The following TIAM1 variants were observed in gnomAD, a reference collection of about 807,000 sequenced individuals.
TIAM1 encodes TIAM Rac1 associated GEF 1, also known as rho guanine nucleotide exchange factor TIAM1.
A neutral mutation model predicts 163.5 loss-of-function variants in TIAM1; 65 were observed. The ratio of observed to expected loss-of-function variants is 0.40; its 90% confidence interval spans 0.33 to 0.49. The LOEUF is 0.49. Among genes scored for constraint, TIAM1 ranks in the 20% least tolerant of loss-of-function variants. TIAM1 has a pLI of 0.77. For missense variants in TIAM1, 1,789 were observed against 2,044.7 expected (o/e 0.87, Z 2.41); for synonymous variants, 833 against 810.1 (o/e 1.03, Z -0.48).
chr21:31,503,678 G>A (rs1235605597), intron 1 of TIAM1, among the ~76,000 whole-genome samples: 1 of 147,654 alleles, frequency 6.8e-6, no homozygotes, highest in African/African-American at 2.5e-5. Flanking sequence ...ACGGCAGGCT[G>A]TAGGGATCCA....
At chr21:31,437,737 C>G (rs1373201916) in intron 2 of TIAM1, among the ~76,000 whole-genome samples, 1 of 152,124 alleles carries the variant, frequency 6.6e-6, no homozygotes, top group Non-Finnish European at 1.5e-5. Flanking sequence ...TCCACCTGCT[C>G]TGGCCACGTA....
chr21:31,390,518 G>T (rs566677703), intron 2 of TIAM1, among the ~76,000 whole-genome samples: 1 of 152,204 alleles, frequency 6.6e-6, no homozygotes, highest in South Asian at 2.1e-4. Context: ...AAGAATGCAG[G>T]AGCACCTATA....
intron 2 of TIAM1, among the ~76,000 whole-genome samples, chr21:31,447,034 A>G (rs564004308): frequency 6.6e-6 from 1 of 152,268 alleles, no homozygotes; most frequent in East Asian, 1.9e-4. Context: ...CCTATGAACC[A>G]CAATTATTAC....
intron 8 of TIAM1, 49 bp from the exon 9 acceptor site, chr21:31,217,748 C>T (rs1175438890): frequency 1.3e-6 from 2 of 1,589,242 alleles, no homozygotes; most frequent in African/African-American, 1.3e-5. Flanking sequence ...ATCAGGACCA[C>T]CCACTTGTGC....
At chr21:31,184,102 T>TTTTTG (rs758228210) in intron 14 of TIAM1, among the ~76,000 whole-genome samples, 1 of 152,074 alleles carries the variant, frequency 6.6e-6, no homozygotes, top group Non-Finnish European at 1.5e-5. Context: ...GTCTGGCTAA[T>TTTTTG]TTTTGTTTTG....
intron 2 of TIAM1, among the ~76,000 whole-genome samples, chr21:31,304,590 T>C (rs1601893908): frequency 6.6e-6 from 1 of 152,338 alleles, no homozygotes; most frequent in South Asian, 2.1e-4. Flanking sequence ...TAAAATGTGG[T>C]TGTGGTTGCT....
At chr21:31,512,740 C>T (rs2047253293) in intron 1 of TIAM1, among the ~76,000 whole-genome samples, 1 of 151,742 alleles carries the variant, frequency 6.6e-6, no homozygotes, top group African/African-American at 2.4e-5. Context: ...GCCTCAGACT[C>T]CCAAGTAGCT....
intron 2 of TIAM1, among the ~76,000 whole-genome samples, chr21:31,441,702 G>A (rs2147302009): frequency 6.6e-6 from 1 of 152,128 alleles, no homozygotes; most frequent in Admixed American, 6.6e-5. Context: ...AGTAAGATCT[G>A]GAGGTCACTG....
intron 2 of TIAM1, among the ~76,000 whole-genome samples, chr21:31,372,099 C>T (rs540470575): frequency 6.6e-6 from 1 of 152,306 alleles, no homozygotes; most frequent in South Asian, 2.1e-4. Context: ...CTCCCCAACG[C>T]GGAAGGCTCA....
intron 2 of TIAM1, among the ~76,000 whole-genome samples, chr21:31,297,975 C>T (rs1270281207): frequency 1.3e-5 from 2 of 152,134 alleles, no homozygotes; most frequent in African/African-American, 4.8e-5. Flanking sequence ...ATAATAACTG[C>T]TATTTGCAGG....
At chr21:31,469,950 C>T (rs1007496250) in intron 1 of TIAM1, among the ~76,000 whole-genome samples, 11 of 151,490 alleles carry the variant, frequency 7.3e-5, no homozygotes, top group African/African-American at 1.5e-4. Context: ...GCAGGTGTGG[C>T]GCACTGTCTG....
intron 2 of TIAM1, among the ~76,000 whole-genome samples, chr21:31,433,270 G>A (rs2044104025): frequency 6.6e-6 from 1 of 152,138 alleles, no homozygotes; most frequent in African/African-American, 2.4e-5. Context: ...TATAGTTATT[G>A]GTATCATTTA....
At chr21:31,187,229 G>T in intron 13 of TIAM1, 142 bp from the exon 14 acceptor site, 1 of 716,102 alleles carries the variant, frequency 1.4e-6, no homozygotes, top group Non-Finnish European at 2.3e-6. Context: ...GTTTTACATA[G>T]CAGAAAAGTG....
At chr21:31,260,959 T>C (rs1474629247) in intron 4 of TIAM1, among the ~76,000 whole-genome samples, 1 of 152,224 alleles carries the variant, frequency 6.6e-6, no homozygotes, top group Non-Finnish European at 1.5e-5. Flanking sequence ...TCAAGAATCA[T>C]ATGGTTGTTG....
intron 2 of TIAM1, among the ~76,000 whole-genome samples, chr21:31,381,558 C>T (rs905148129): frequency 6.6e-6 from 1 of 152,156 alleles, no homozygotes; most frequent in Admixed American, 6.6e-5. Flanking sequence ...CTCCCAGCTA[C>T]TCGAGAGGCT....
rs56691495 is a variant in TIAM1, at chr21:31,473,429, C to CAAAAAAAA, written c.-421-9402_-421-9395dup. Among the ~76,000 whole-genome samples, 33 of 75,734 alleles carry CAAAAAAAA rather than the reference C, an allele frequency of 4.4e-4. 6 individuals carry two copies. The highest frequency in any genetic ancestry group is 6.2e-4 in the Non-Finnish European group (23 of 37,254). The allele number at this position is 75,734 out of a possible 152,430, so 49.7% of individuals were successfully genotyped here. A position where few individuals can be genotyped will look rare whatever the true frequency, so the allele number is the denominator to read the frequency against. On this transcript the variant is annotated intron_variant, in intron 1 of 28. Transcript: ENST00000286827. ...TGGGGGACAGATCAAGACTCCATCT[C>CAAAAAAAA]AAAAAAAAAAAAAAAAAAAAAAAAA...
intron 25 of TIAM1, among the ~76,000 whole-genome samples, chr21:31,127,712 G>A (rs753739705): frequency 5.9e-5 from 9 of 152,136 alleles, no homozygotes; most frequent in South Asian, 2.1e-4. Flanking sequence ...CACCGCGCCC[G>A]GCCTGAACTC....
rs561746315 is a variant in TIAM1 at position 31,514,253 on chromosome 21, T to C, written c.-422+44674A>G. ...CCAAGATTAAAGAAAGTAAAAACCG[T>C]TTAAGACCAAAAAGGCAATTATCCA... is the stretch of plus-strand genomic sequence containing the variant. On this transcript the variant is annotated intron_variant, in intron 1 of 28. Coordinates refer to the TIAM1 transcript ENST00000286827. Among the ~76,000 whole-genome samples, 3 of 152,096 alleles carry C rather than the reference T, an allele frequency of 2.0e-5. No individual in the cohort carries two copies. In the South Asian group the frequency reaches 6.2e-4, roughly 32 times the overall value.
intron 2 of TIAM1, among the ~76,000 whole-genome samples, chr21:31,359,868 G>A (rs1047995606): frequency 4.7e-5 from 7 of 148,802 alleles, no homozygotes; most frequent in Non-Finnish European, 1.0e-4. Flanking sequence ...AAGGAAGGGA[G>A]GGAGGGAGGA....
Sources: gnomAD v4.1 joint callset for allele counts (sites outside exome capture counted in the v4.1 genomes callset) on GRCh38, gnomAD v4.1.1 for gene constraint, MANE v1.5 for transcripts, NCBI Gene and HGNC (gene_info 2026-07-23, HGNC 2026-07-21) for gene names.